Variants in KCNH5 observed in about 807,000 individuals in gnomAD.
KCNH5 encodes the protein voltage-gated delayed rectifier potassium channel KCNH5.
KCNH5 carries 46 observed loss-of-function variants against 96.1 expected under a neutral mutation model. The ratio of observed to expected loss-of-function variants is 0.48; its 90% CI spans 0.38 to 0.61. The LOEUF is 0.61. Ranked by LOEUF, KCNH5 falls within the 20% of genes least tolerant of loss-of-function variation. The pLI is 0.00. For missense variants in KCNH5, 907 were observed against 1,225.8 expected (o/e 0.74, Z 3.88); for synonymous variants, 439 against 449.8 (o/e 0.98, Z 0.30).
chr14:62,968,077 T>G (rs1890336284), intron 6 of KCNH5, among the ~76,000 whole-genome samples: 1 of 152,174 alleles, frequency 6.6e-6, no homozygotes, highest in South Asian at 2.1e-4. Context: ...TCCTGCAACA[T>G]CACCAAACTT....
chr14:62,952,915 T>C (rs1890034465), intron 6 of KCNH5, among the ~76,000 whole-genome samples: 1 of 152,084 alleles, frequency 6.6e-6, no homozygotes, highest in South Asian at 2.1e-4. Context: ...TAGAAGTAGT[T>C]TGACACTACT....
chr14:62,791,914 T>A (rs1886443443), intron 9 of KCNH5, among the ~76,000 whole-genome samples: 1 of 151,604 alleles, frequency 6.6e-6, no homozygotes, highest in African/African-American at 2.4e-5. Context: ...TGTATTCATT[T>A]TTATTTATTA....
intron 1 of KCNH5, among the ~76,000 whole-genome samples, chr14:63,031,121 C>G (rs1276496225): frequency 6.6e-6 from 1 of 151,696 alleles, no homozygotes; most frequent in Non-Finnish European, 1.5e-5. Flanking sequence ...AAAAGAGTAT[C>G]TAGTAGGGGG....
intron 7 of KCNH5, among the ~76,000 whole-genome samples, chr14:62,890,367 A>G (rs1274983788): frequency 3.9e-5 from 6 of 152,184 alleles, no homozygotes; most frequent in Admixed American, 6.5e-5. Flanking sequence ...TCTATAAGGA[A>G]CTTAAATTTA....
chr14:62,805,449 C>G (rs1393368583), intron 8 of KCNH5, among the ~76,000 whole-genome samples: 1 of 152,096 alleles, frequency 6.6e-6, no homozygotes, highest in Non-Finnish European at 1.5e-5. Context: ...AAAGATCAAC[C>G]AAAGTCACAC....
chr14:63,020,729 T>A (rs1891410547), intron 1 of KCNH5, among the ~76,000 whole-genome samples: 1 of 152,172 alleles, frequency 6.6e-6, no homozygotes, highest in Non-Finnish European at 1.5e-5. Context: ...TACACAGGTG[T>A]ATACAATTGT....
At position 62,779,721 on chromosome 14, in the gene KCNH5, A is replaced by G. The variant is rs761190419; in HGVS notation, c.2019+7T>C. ...CTAATAAGAAAAAGCAGACCCAGAG[A>G]ACATACCCGTTTCCTCAGATTGCAA... On this transcript the variant is annotated splice_region_variant and intron_variant, in intron 10 of 10. Coordinates refer to ENST00000322893, the MANE Select transcript of KCNH5 (RefSeq NM_139318.5). 10 of 1,610,178 alleles carry G rather than the reference A, an allele frequency of 6.2e-6. No homozygotes were observed. Among genetic ancestry groups the G allele is most frequent in the Non-Finnish European group, 8.5e-6 (10 of 1,177,680 alleles).
intron 8 of KCNH5, among the ~76,000 whole-genome samples, chr14:62,847,307 G>A (rs1478718254): frequency 1.3e-5 from 2 of 151,864 alleles, no homozygotes; most frequent in African/African-American, 4.8e-5. Context: ...CATATGGTGT[G>A]TAATCTAAGA....
At chr14:62,869,017 A>G (rs552988987) in intron 7 of KCNH5, among the ~76,000 whole-genome samples, 1 of 152,366 alleles carries the variant, frequency 6.6e-6, no homozygotes, top group African/African-American at 2.4e-5. Flanking sequence ...GTGTCTTTAT[A>G]GTAGAATGAT....
intron 7 of KCNH5, among the ~76,000 whole-genome samples, chr14:62,908,771 T>G (rs184488440): frequency 6.7e-6 from 1 of 148,574 alleles, no homozygotes; most frequent in Non-Finnish European, 1.5e-5. Flanking sequence ...CCTTTGTTGA[T>G]TTTGCTTTGT....
At chr14:63,010,568 T>G (rs1891206544) in intron 2 of KCNH5, among the ~76,000 whole-genome samples, 1 of 152,172 alleles carries the variant, frequency 6.6e-6, no homozygotes. Context: ...ACTTTTCTTG[T>G]CACACAACTG....
intron 10 of KCNH5, among the ~76,000 whole-genome samples, chr14:62,778,286 C>T (rs1014243976): frequency 6.6e-6 from 1 of 152,110 alleles, no homozygotes; most frequent in Non-Finnish European, 1.5e-5. Context: ...AAAGTGGGCT[C>T]TTGGTATACA....
intron 10 of KCNH5, among the ~76,000 whole-genome samples, chr14:62,731,368 A>G (rs1247631324): frequency 6.6e-6 from 1 of 151,924 alleles, no homozygotes; most frequent in Non-Finnish European, 1.5e-5. Flanking sequence ...AAAAAATACT[A>G]ATCACATTGA....
At chr14:62,759,831 A>G (rs570147135) in intron 10 of KCNH5, among the ~76,000 whole-genome samples, 1 of 152,296 alleles carries the variant, frequency 6.6e-6, no homozygotes, top group South Asian at 2.1e-4. Context: ...ATCTACTTTC[A>G]TAGTTTTTTC....
At chr14:62,858,731 C>A (rs1283608778) in intron 7 of KCNH5, among the ~76,000 whole-genome samples, 2 of 152,172 alleles carry the variant, frequency 1.3e-5, no homozygotes, top group Non-Finnish European at 2.9e-5. Context: ...TCCACTTCCA[C>A]CCCTTAATTA....
At chr14:62,972,908 T>A (rs1406773804) in intron 6 of KCNH5, among the ~76,000 whole-genome samples, 1 of 152,146 alleles carries the variant, frequency 6.6e-6, no homozygotes, top group Non-Finnish European at 1.5e-5. Context: ...GTAAAACTAA[T>A]CTGTGTGATG....
chr14:62,876,114 T>A (rs994647402), intron 7 of KCNH5, among the ~76,000 whole-genome samples: 1 of 151,984 alleles, frequency 6.6e-6, no homozygotes, highest in Non-Finnish European at 1.5e-5. Flanking sequence ...TTGCAGTGAG[T>A]CGAGATGGTG....
intron 6 of KCNH5, among the ~76,000 whole-genome samples, chr14:62,958,893 T>C (rs182659672): frequency 3.3e-5 from 5 of 152,224 alleles, no homozygotes; most frequent in African/African-American, 9.6e-5. Flanking sequence ...ATTTCAAGCC[T>C]TCTCTACTCT....
chr14:63,039,517 A>C (rs981575864), intron 1 of KCNH5, among the ~76,000 whole-genome samples: 5 of 152,048 alleles, frequency 3.3e-5, no homozygotes, highest in Admixed American at 6.6e-5. Context: ...TAGAGAAAAA[A>C]TCTGTTGAAG....
Sources: allele counts gnomAD v4.1 joint callset (sites outside exome capture counted in the v4.1 genomes callset), GRCh38; gene constraint gnomAD v4.1.1; transcripts MANE v1.5; gene names NCBI Gene and HGNC (gene_info 2026-07-23, HGNC 2026-07-21).